SDK1: variants seen among roughly 807,000 people sequenced by gnomAD.
The protein encoded by SDK1 is sidekick cell adhesion molecule 1, also known as protein sidekick-1.
In SDK1, 157 loss-of-function variants were observed where a neutral mutation model predicts 245.5. That is an observed-to-expected ratio of 0.64 (90% CI 0.56 to 0.73). The LOEUF (loss-of-function observed/expected upper bound fraction) is 0.73. Ranked by LOEUF, SDK1 falls within the 30% of genes least tolerant of loss-of-function variation. The pLI, the probability that SDK1 is intolerant of heterozygous loss-of-function variation, is 0.00. For missense variants in SDK1, 3,583 were observed against 3,002.3 expected, an observed-to-expected ratio of 1.19 and a Z score of -4.52; for synonymous variants, 1,647 against 1,278.5, an observed-to-expected ratio of 1.29 and a Z score of -6.15.
At chr7:4,187,777 A>C (rs1365894746) in intron 35 of SDK1, among the ~76,000 whole-genome samples, 1 of 152,244 alleles carries the variant, frequency 6.6e-6, no homozygotes, top group East Asian at 1.9e-4. Flanking sequence ...TATGGTGTGA[A>C]TGTGGGAGCT....
chr7:3,570,120 C>T (rs1015777639), intron 1 of SDK1, among the ~76,000 whole-genome samples: 6 of 152,194 alleles, frequency 3.9e-5, no homozygotes, highest in Admixed American at 3.9e-4. Context: ...TGGTTTGGGC[C>T]AAGCCTTGGA....
At chr7:3,850,779 G>A (rs571393488) in intron 5 of SDK1, among the ~76,000 whole-genome samples, 4 of 147,530 alleles carry the variant, frequency 2.7e-5, no homozygotes, top group African/African-American at 7.5e-5. Context: ...AACACCGCAT[G>A]TTCTCACTCA....
rs144629588 is a variant in SDK1 at position 4,175,034 on chromosome 7, G to A, written c.4936+677G>A. On this transcript the variant is annotated intron_variant, in intron 33 of 44. Transcript: ENST00000404826. ...CAGCTCCAGAACACGCCGTGTGGAC[G>A]GTGCCCTCCCGCTTTCTGCCATCCC... 2.2e-4 allele frequency among the ~76,000 whole-genome samples: 33 copies of A among 152,310 alleles called. No homozygotes were observed. The East Asian group carries it at 3.9e-3, about 18-fold the overall frequency.
Position 4,039,045 on chromosome 7 carries a change from C to T in SDK1, c.2603-10303C>T, listed in dbSNP as rs533753011. Among the ~76,000 whole-genome samples the T allele has an allele frequency of 9.9e-5, 15 of 151,698 alleles. No individual in the cohort carries two copies. In the South Asian group the frequency reaches 2.5e-3, roughly 25 times the overall value. On this transcript the variant is annotated intron_variant, in intron 17 of 44. Coordinates refer to ENST00000404826, the MANE Select transcript of SDK1 (RefSeq NM_152744.4). ...TTGATGACTTTCTTTAATTAAAAAA[C>T]GTAAGGACAAAAAACCAAACACCGC...
intron 1 of SDK1, among the ~76,000 whole-genome samples, chr7:3,324,750 G>C (rs1248504424): frequency 6.6e-6 from 1 of 152,028 alleles, no homozygotes; most frequent in African/African-American, 2.4e-5. Context: ...GGTAGTTGCT[G>C]GTTTTTATAT....
chr7:3,679,481 G>A (rs1230740488), intron 4 of SDK1, among the ~76,000 whole-genome samples: 2 of 152,138 alleles, frequency 1.3e-5, no homozygotes, highest in Non-Finnish European at 2.9e-5. Flanking sequence ...GCAGGAGAAT[G>A]GCGTGAACCC....
In SDK1 at chr7:4,267,785, C is replaced by T. The variant is rs1788559093; in HGVS notation, c.*2401C>T. 1.0e-6 allele frequency: 1 copy of T among 985,378 alleles called. No individual in the cohort carries two copies. Among genetic ancestry groups the T allele is most frequent in the South Asian group, 4.7e-5 (1 of 21,290 alleles). 61.0% of individuals were successfully genotyped at this position (985,378 alleles called of 1,614,324 possible). ...CGTCTCCCCTCCACTCTTAGTAAAC[C>T]TTGATCTGTACGGAGCGGCCTGTCC... On this transcript the variant is annotated 3_prime_UTR_variant, in exon 45 of 45. Coordinates refer to ENST00000404826, the MANE Select transcript of SDK1 (RefSeq NM_152744.4).
chr7:4,022,975 C>T (rs1203116553), intron 17 of SDK1, among the ~76,000 whole-genome samples: 10 of 151,932 alleles, frequency 6.6e-5, no homozygotes, highest in Non-Finnish European at 8.8e-5. Flanking sequence ...GGGGTTTCGC[C>T]GTGTTACCCA....
chr7:3,993,174 C>T (rs761764272), intron 14 of SDK1, among the ~76,000 whole-genome samples: 4 of 151,982 alleles, frequency 2.6e-5, no homozygotes, highest in Non-Finnish European at 5.9e-5. Flanking sequence ...TGGAGATTTT[C>T]GTTTAATGCA....
intron 4 of SDK1, among the ~76,000 whole-genome samples, chr7:3,688,441 A>G (rs957444291): frequency 7.2e-5 from 11 of 152,390 alleles, no homozygotes; most frequent in South Asian, 2.1e-4. Context: ...AACTGTATCT[A>G]TACTGAAGGA....
At chr7:3,966,919 C>G (rs995558697) in intron 9 of SDK1, among the ~76,000 whole-genome samples, 2 of 152,166 alleles carry the variant, frequency 1.3e-5, no homozygotes, top group Admixed American at 1.3e-4. Context: ...CTCCTGAACT[C>G]AAGCAGTCCT....
intron 1 of SDK1, among the ~76,000 whole-genome samples, chr7:3,599,591 G>T (rs1248890772): frequency 1.3e-5 from 2 of 152,100 alleles, no homozygotes; most frequent in South Asian, 4.1e-4. Flanking sequence ...ATGTTTTATG[G>T]TTCTACGTTT....
chr7:3,520,479 C>G (rs995200438), intron 1 of SDK1, among the ~76,000 whole-genome samples: 1 of 152,130 alleles, frequency 6.6e-6, no homozygotes, highest in African/African-American at 2.4e-5. Context: ...AGACTACACC[C>G]TGAATCCTGT....
chr7:3,824,511 C>T (rs1369107741), intron 5 of SDK1, among the ~76,000 whole-genome samples: 3 of 152,130 alleles, frequency 2.0e-5, no homozygotes, highest in African/African-American at 7.2e-5. Context: ...TCATGCAGCC[C>T]CGCCTCTTGT....
chr7:4,013,597 A>G (rs775747929), intron 16 of SDK1, among the ~76,000 whole-genome samples: 10 of 152,226 alleles, frequency 6.6e-5, no homozygotes, highest in African/African-American at 1.9e-4. Flanking sequence ...CCTTCCCTGT[A>G]TATATGTGTA....
At position 4,113,446 on chromosome 7, in the gene SDK1, G is replaced by T; in HGVS notation, c.3585+7G>T. 1 of 1,613,350 alleles carries T rather than the reference G, an allele frequency of 6.2e-7. No homozygotes were observed. Among genetic ancestry groups the T allele is most frequent in the Non-Finnish European group, 8.5e-7 (1 of 1,179,920 alleles). ...CCTGCGGCTTCGCTGGGTGGTGAGT[G>T]GGGGTGAGAAGGGAGGCTGGAGGCA... On this transcript the variant is annotated splice_region_variant and intron_variant, in intron 24 of 44. Transcript: ENST00000404826.
intron 1 of SDK1, among the ~76,000 whole-genome samples, chr7:3,500,158 T>A (rs1782152998): frequency 6.6e-6 from 1 of 152,052 alleles, no homozygotes; most frequent in Non-Finnish European, 1.5e-5. Context: ...ATTGCCGAAA[T>A]GTGGGCCTAT....
At chr7:3,688,041 T>TC (rs1000000010) in intron 4 of SDK1, among the ~76,000 whole-genome samples, 31 of 152,218 alleles carry the variant, frequency 2.0e-4, no homozygotes, top group African/African-American at 7.5e-4. Context: ...AGGAAACTAC[T>TC]CTGGAAAGGA....
At position 3,642,038 on chromosome 7, in the gene SDK1, A is replaced by G; in HGVS notation, c.646A>G (p.Thr216Ala). The G allele has an allele frequency of 6.2e-7, 1 of 1,614,102 alleles. No homozygotes were observed. The highest frequency in any genetic ancestry group is 8.5e-7 in the Non-Finnish European group (1 of 1,179,922). The change falls in exon 4 of 45, where the codon ACC (threonine) becomes GCC (alanine). Residue 216 changes from threonine to alanine, a missense_variant. Physicochemically the swap from Thr to Ala is moderately conservative, Grantham distance 58. Coordinates refer to ENST00000404826, the MANE Select transcript of SDK1 (RefSeq NM_152744.4). ...AGCGATTCTAAACCTGCTGCCCATCACCAGCTACCCCAGACCTCAAGTGAC... is the reference window on the plus strand; with the variant it reads ...AGCGATTCTAAACCTGCTGCCCATCGCCAGCTACCCCAGACCTCAAGTGAC... ...RAAILNLLPI[T>A]SYPRPQVTWF...
Sources: gnomAD v4.1 joint callset for allele counts (sites outside exome capture counted in the v4.1 genomes callset) on GRCh38, gnomAD v4.1.1 for gene constraint, MANE v1.5 for transcripts, NCBI Gene and HGNC (gene_info 2026-07-23, HGNC 2026-07-21) for gene names.